Variants in RABEP1 observed in about 807,000 individuals in gnomAD.
RABEP1 encodes rabaptin, RAB GTPase binding effector protein 1, also known as rab GTPase-binding effector protein 1.
Under a neutral mutation model 123.4 loss-of-function variants are expected in RABEP1, and 51 were observed. The observed-to-expected ratio is 0.41, with a 90% CI of 0.33 to 0.52. RABEP1 has a LOEUF of 0.52. RABEP1 is among the 20% of genes least tolerant of loss of function. The pLI is 0.16. For missense variants in RABEP1, 888 were observed against 996.3 expected, an observed-to-expected ratio of 0.89 and a Z score of 1.46; for synonymous variants, 347 against 355.2, an observed-to-expected ratio of 0.98 and a Z score of 0.26.
At chr17:5,299,700 CTTTTTCTT>C (rs1282890393) in intron 1 of RABEP1, among the ~76,000 whole-genome samples, 1 of 107,800 alleles carries the variant, frequency 9.3e-6, no homozygotes, top group Admixed American at 9.2e-5. Context: ...GCACTCATTT[CTTTTTCTT>C]TTTTTCTTTT....
chr17:5,330,463 C>A (rs1231992616), intron 2 of RABEP1, among the ~76,000 whole-genome samples: 2 of 152,130 alleles, frequency 1.3e-5, no homozygotes, highest in Non-Finnish European at 2.9e-5. Flanking sequence ...TTTAAAAGTT[C>A]TCTTATTTTA....
At chr17:5,310,377 C>T (rs2075226330) in intron 2 of RABEP1, among the ~76,000 whole-genome samples, 1 of 147,472 alleles carries the variant, frequency 6.8e-6, no homozygotes, top group Non-Finnish European at 1.5e-5. Context: ...TTCAGTGGCA[C>T]TATCTCAGCT....
At chr17:5,334,319 C>T (rs898597812) in intron 3 of RABEP1, among the ~76,000 whole-genome samples, 5 of 152,046 alleles carry the variant, frequency 3.3e-5, no homozygotes, top group Admixed American at 2.0e-4. Context: ...GCAACCTCTG[C>T]CTCCCGGGTT....
At chr17:5,342,541 G>A (rs1009523907) in intron 5 of RABEP1, among the ~76,000 whole-genome samples, 2 of 152,184 alleles carry the variant, frequency 1.3e-5, no homozygotes, top group Non-Finnish European at 2.9e-5. Flanking sequence ...AGGAGGCAGA[G>A]GTTGCAGTGA....
At chr17:5,295,920 C>G (rs1249512543) in intron 1 of RABEP1, among the ~76,000 whole-genome samples, 5 of 152,090 alleles carry the variant, frequency 3.3e-5, no homozygotes, top group Admixed American at 2.0e-4. Context: ...CTACTGTTTT[C>G]TTAGTTACAT....
intron 2 of RABEP1, among the ~76,000 whole-genome samples, chr17:5,324,387 C>G (rs1905758675): frequency 6.6e-6 from 1 of 152,096 alleles, no homozygotes; most frequent in Non-Finnish European, 1.5e-5. Flanking sequence ...TAACCATTTG[C>G]AGAAGAATGA....
At chr17:5,323,672 T>G (rs903187103) in intron 2 of RABEP1, among the ~76,000 whole-genome samples, 1 of 120,412 alleles carries the variant, frequency 8.3e-6, no homozygotes, top group African/African-American at 3.7e-5. Flanking sequence ...ATTTCTTTCA[T>G]TGGTGATATA....
chr17:5,348,464 T>C (rs1386047671), intron 6 of RABEP1, among the ~76,000 whole-genome samples: 3 of 152,176 alleles, frequency 2.0e-5, no homozygotes, highest in Non-Finnish European at 2.9e-5. Flanking sequence ...AAATGTGAGG[T>C]TGGAGCAGTA....
At chr17:5,303,897 G>A (rs896809573) in intron 1 of RABEP1, among the ~76,000 whole-genome samples, 4 of 152,016 alleles carry the variant, frequency 2.6e-5, no homozygotes, top group Non-Finnish European at 4.4e-5. Context: ...GCTGTGAGTG[G>A]TGGTGGGCAC....
chr17:5,304,044 A>T lies in RABEP1; in HGVS notation c.35-4650A>T, dbSNP rs1020740323. On this transcript the variant is annotated intron_variant, in intron 1 of 17. Transcript: ENST00000537505. ...AGCGAAATTCCATCTCAAAAAAAAA[A>T]AATAAATAAAAATTTATTATATTGT... 3.5e-3 allele frequency among the ~76,000 whole-genome samples: 452 copies of T among 129,996 alleles called. 3 individuals are homozygous for T. Among genetic ancestry groups the T allele is most frequent in the Non-Finnish European group, 5.9e-3 (345 of 58,660 alleles). 85.3% of individuals were successfully genotyped at this position (129,996 alleles called of 152,430 possible). A position where few individuals can be genotyped will look rare whatever the true frequency, so the allele number is the denominator to read the frequency against.
intron 5 of RABEP1, among the ~76,000 whole-genome samples, chr17:5,339,165 A>G (rs755510497): frequency 2.0e-5 from 3 of 152,058 alleles, no homozygotes; most frequent in Non-Finnish European, 4.4e-5. Context: ...GAAAAAAAGG[A>G]AGAAAGTAGG....
At chr17:5,341,215 AG>A (rs1442473164) in intron 5 of RABEP1, among the ~76,000 whole-genome samples, 1 of 152,140 alleles carries the variant, frequency 6.6e-6, no homozygotes, top group Non-Finnish European at 1.5e-5. Flanking sequence ...CAAGGAGTTG[AG>A]GCTGTGGTGA....
intron 4 of RABEP1, chr17:5,336,721 T>C (rs751380445): frequency 1.6e-5 from 4 of 245,278 alleles, no homozygotes; most frequent in Non-Finnish European, 3.2e-5. Flanking sequence ...TTTTTTTTCC[T>C]GTTGTTTTTT....
intron 8 of RABEP1, among the ~76,000 whole-genome samples, chr17:5,358,115 A>G (rs1909186164): frequency 6.6e-6 from 1 of 152,020 alleles, no homozygotes; most frequent in African/African-American, 2.4e-5. Context: ...TGAGTTGTTT[A>G]TTATCTCTAG....
chr17:5,362,396 G>A (rs1190156418), intron 9 of RABEP1, among the ~76,000 whole-genome samples: 1 of 152,150 alleles, frequency 6.6e-6, no homozygotes, highest in Non-Finnish European at 1.5e-5. Context: ...CCTGACTCCT[G>A]GTGCTTTCCT....
At chr17:5,296,517 T>TC (rs2075085344) in intron 1 of RABEP1, among the ~76,000 whole-genome samples, 1 of 152,190 alleles carries the variant, frequency 6.6e-6, no homozygotes, top group Admixed American at 6.5e-5. Context: ...CGCCTTGGCC[T>TC]CCCAAAGTGC....
At chr17:5,373,104 C>T (rs1910652470) in intron 12 of RABEP1, among the ~76,000 whole-genome samples, 1 of 152,164 alleles carries the variant, frequency 6.6e-6, no homozygotes, top group African/African-American at 2.4e-5. Flanking sequence ...GGAGAATGAG[C>T]CTCAGATACT....
intron 8 of RABEP1, among the ~76,000 whole-genome samples, chr17:5,355,055 T>C (rs964855909): frequency 3.9e-5 from 6 of 152,202 alleles, no homozygotes; most frequent in African/African-American, 1.4e-4. Flanking sequence ...GCCTCCTCAT[T>C]GGGTTTCCTG....
chr17:5,350,674 C>A (rs1174954765), intron 7 of RABEP1, 45 bp downstream of exon 7: 1 of 1,589,550 alleles, frequency 6.3e-7, no homozygotes, highest in Non-Finnish European at 8.6e-7. Flanking sequence ...CAGTAATGTC[C>A]CCCACCACAT....
Sources: allele counts gnomAD v4.1 joint callset (sites outside exome capture counted in the v4.1 genomes callset), GRCh38; gene constraint gnomAD v4.1.1; transcripts MANE v1.5; gene names NCBI Gene and HGNC (gene_info 2026-07-23, HGNC 2026-07-21).